Variants in FBXW11 observed in about 807,000 individuals in gnomAD.
FBXW11 encodes F-box/WD repeat-containing protein 11.
A neutral mutation model predicts 77.6 loss-of-function variants in FBXW11; 19 were observed. The ratio of observed to expected loss-of-function variants is 0.24; its 90% CI spans 0.17 to 0.36. FBXW11 has a LOEUF of 0.36. FBXW11 is among the 10% of genes least tolerant of loss of function. FBXW11 has a pLI of 1.00. For missense variants in FBXW11, 334 were observed against 704.2 expected (o/e 0.47, Z 5.95); for synonymous variants, 235 against 249.4 (o/e 0.94, Z 0.54).
chr5:171,876,278 T>G lies in FBXW11; in HGVS notation c.1221+7A>C. The G allele has an allele frequency of 1.2e-6, 2 of 1,614,104 alleles. No individual in the cohort carries two copies. Among genetic ancestry groups the G allele is most frequent in the Non-Finnish European group, 1.7e-6 (2 of 1,179,988 alleles). ...ACAGGTAGGGTTATGACTGCAGACATACTTACTTTGATGGTCCTGTCACCA... is the reference window on the plus strand; with the variant it reads ...ACAGGTAGGGTTATGACTGCAGACAGACTTACTTTGATGGTCCTGTCACCA... On this transcript the variant is annotated splice_region_variant and intron_variant, in intron 9 of 13. Transcript: ENST00000517395. The surrounding 1 kb of genome is among the most constrained non-coding windows in gnomAD (Gnocchi z 4.2).
intron 9 of FBXW11, 44 bp from the exon 10 acceptor site, chr5:171,873,034 A>C: frequency 6.7e-7 from 1 of 1,489,580 alleles, no homozygotes; most frequent in Non-Finnish European, 9.3e-7. Context: ...AACACAGGAA[A>C]GTCCTCTCAC....
Position 171,940,714 on chromosome 5 carries a change from C to T in FBXW11, c.147+16883G>A, listed in dbSNP as rs867650819. 2.6e-5 allele frequency among the ~76,000 whole-genome samples: 4 copies of T among 152,088 alleles called. No individual in the cohort carries two copies. In the South Asian group the frequency reaches 6.2e-4, roughly 24 times the overall value. On this transcript the variant is annotated intron_variant, in intron 2 of 13. Coordinates refer to ENST00000517395, the MANE Select transcript of FBXW11 (RefSeq NM_001378974.1). ...ACCAGCCTGACCAACACAGTGAAAC[C>T]CCGTCTGTACTAAAAATACAAAAAT...
At chr5:171,993,410 G>A (rs533746785) in intron 1 of FBXW11, among the ~76,000 whole-genome samples, 19 of 152,008 alleles carry the variant, frequency 1.2e-4, no homozygotes, top group East Asian at 7.8e-4. Context: ...TCAAGAGATC[G>A]AGACCATCCT....
At chr5:171,947,089 C>T (rs1763051326) in intron 2 of FBXW11, among the ~76,000 whole-genome samples, 1 of 152,146 alleles carries the variant, frequency 6.6e-6, no homozygotes, top group Admixed American at 6.5e-5. Context: ...GCTGGGATTA[C>T]AGGCGTGAGC....
chr5:171,949,799 T>A (rs1452772013), intron 2 of FBXW11, among the ~76,000 whole-genome samples: 3 of 152,164 alleles, frequency 2.0e-5, no homozygotes, highest in African/African-American at 4.8e-5. Flanking sequence ...TGCATTTTCA[T>A]CCATCAAAAT....
chr5:171,905,950 G>A (rs984752031), intron 4 of FBXW11, among the ~76,000 whole-genome samples: 2 of 151,946 alleles, frequency 1.3e-5, no homozygotes, highest in Non-Finnish European at 2.9e-5. Context: ...ATAATACTTC[G>A]CACACAGTGC....
At chr5:171,983,309 C>T (rs987619126) in intron 1 of FBXW11, among the ~76,000 whole-genome samples, 2 of 152,224 alleles carry the variant, frequency 1.3e-5, no homozygotes, top group African/African-American at 4.8e-5. Context: ...TCACCCTACA[C>T]ATCTCTTCAT....
chr5:171,893,598 T>C (rs1406199651), intron 6 of FBXW11, among the ~76,000 whole-genome samples: 2 of 152,076 alleles, frequency 1.3e-5, no homozygotes, highest in Non-Finnish European at 2.9e-5. Context: ...TTTTAGATAG[T>C]GACTGTGCCA....
chr5:171,940,287 T>C (rs996592184), intron 2 of FBXW11, among the ~76,000 whole-genome samples: 2 of 152,208 alleles, frequency 1.3e-5, no homozygotes, highest in Admixed American at 6.5e-5. Flanking sequence ...TAGACTAGAA[T>C]TGGATATATC....
chr5:172,001,179 TGAAA>T (rs1173163893), intron 1 of FBXW11, among the ~76,000 whole-genome samples: 4 of 152,274 alleles, frequency 2.6e-5, no homozygotes, highest in Middle Eastern at 3.4e-3. Flanking sequence ...TTTCACTGCA[TGAAA>T]GAAAGAAAAT....
rs367819388 is a variant in FBXW11, at chr5:171,994,984, G to A, written c.45+11474C>T. 3.3e-5 allele frequency among the ~76,000 whole-genome samples: 5 copies of A among 152,318 alleles called. No homozygotes were observed. In the East Asian group the frequency reaches 9.6e-4, roughly 29 times the overall value. ...ACCTGGGAGGCAAAGGTTGCAGTGA[G>A]CCACAATCTCACCAGAGGAGAAATA... is the stretch of plus-strand genomic sequence containing the variant. On this transcript the variant is annotated intron_variant, in intron 1 of 13. Transcript: ENST00000517395.
intron 7 of FBXW11, among the ~76,000 whole-genome samples, chr5:171,880,768 C>T (rs1208454425): frequency 1.3e-5 from 2 of 152,166 alleles, no homozygotes; most frequent in Non-Finnish European, 2.9e-5. Context: ...GCGATCTCGG[C>T]TCACTGCAAC....
intron 1 of FBXW11, among the ~76,000 whole-genome samples, chr5:171,993,595 G>C (rs1002888833): frequency 2.0e-5 from 3 of 152,034 alleles, no homozygotes; most frequent in African/African-American, 7.3e-5. Flanking sequence ...CCTGGTGACA[G>C]AGCGAAGACT....
intron 1 of FBXW11, among the ~76,000 whole-genome samples, chr5:171,988,262 T>C (rs1041072801): frequency 2.6e-5 from 4 of 152,208 alleles, no homozygotes; most frequent in African/African-American, 9.7e-5. Context: ...GAGAAATGGC[T>C]GATTCCTGAT....
At chr5:171,905,594 C>CCCA (rs1760444183) in intron 4 of FBXW11, among the ~76,000 whole-genome samples, 1 of 101,212 alleles carries the variant, frequency 9.9e-6, no homozygotes, top group Non-Finnish European at 2.5e-5. Flanking sequence ...AGCTAACCCC[C>CCCA]CCCCCTTTAT....
At chr5:171,961,431 A>G (rs1375496005) in intron 1 of FBXW11, among the ~76,000 whole-genome samples, 2 of 152,190 alleles carry the variant, frequency 1.3e-5, no homozygotes, top group African/African-American at 4.8e-5. Flanking sequence ...GCTGAAAATC[A>G]TCTCTACTCA....
intron 2 of FBXW11, among the ~76,000 whole-genome samples, chr5:171,920,707 G>A (rs1057129966): frequency 2.6e-5 from 4 of 151,964 alleles, no homozygotes; most frequent in Non-Finnish European, 5.9e-5. Flanking sequence ...CTATAAAAAA[G>A]CAATAATACT....
chr5:171,906,283 C>T (rs774888061), intron 4 of FBXW11, among the ~76,000 whole-genome samples: 2 of 145,244 alleles, frequency 1.4e-5, no homozygotes, highest in Non-Finnish European at 3.0e-5. Flanking sequence ...AAGTTCTAAA[C>T]GTTTTAAAAG....
chr5:171,913,073 A>G (rs1436819487), intron 3 of FBXW11, among the ~76,000 whole-genome samples: 1 of 152,106 alleles, frequency 6.6e-6, no homozygotes, highest in Non-Finnish European at 1.5e-5. Context: ...AAAATCTCAA[A>G]AGTGCCTTAT....
Sources: allele counts gnomAD v4.1 joint callset (sites outside exome capture counted in the v4.1 genomes callset), GRCh38; gene constraint gnomAD v4.1.1; non-coding constraint Gnocchi (gnomAD v3.1); transcripts MANE v1.5; gene names NCBI Gene and HGNC (gene_info 2026-07-23, HGNC 2026-07-21).